Variants in FHIT observed in about 807,000 individuals in gnomAD.
FHIT encodes the protein bis(5'-adenosyl)-triphosphatase.
In FHIT, 19 loss-of-function variants were observed where a neutral mutation model predicts 17.9. The ratio of observed to expected loss-of-function variants is 1.06; its 90% CI spans 0.74 to 1.56. The LOEUF (loss-of-function observed/expected upper bound fraction) is 1.56. Ranked by LOEUF, FHIT falls within the 40% of genes most tolerant of loss-of-function variation. The pLI is 0.00. For missense variants in FHIT, 248 were observed against 189.2 expected, an observed-to-expected ratio of 1.31 and a Z score of -1.82; for synonymous variants, 81 against 69.7, an observed-to-expected ratio of 1.16 and a Z score of -0.81.
intron 5 of FHIT, among the ~76,000 whole-genome samples, chr3:60,532,444 A>C (rs1292185264): frequency 6.6e-6 from 1 of 152,212 alleles, no homozygotes; most frequent in East Asian, 1.9e-4. Flanking sequence ...TATTAGCCAT[A>C]ATGGTTCAAA....
chr3:60,838,771 A>C (rs1185430489), intron 3 of FHIT, among the ~76,000 whole-genome samples: 1 of 151,644 alleles, frequency 6.6e-6, no homozygotes, highest in Non-Finnish European at 1.5e-5. Flanking sequence ...TGGCAGAAAA[A>C]ATAAACATGT....
chr3:59,956,956 G>A (rs1707434020), intron 7 of FHIT, among the ~76,000 whole-genome samples: 1 of 151,992 alleles, frequency 6.6e-6, no homozygotes, highest in Non-Finnish European at 1.5e-5. Context: ...AATCTAAATT[G>A]GTCATCAAAT....
At chr3:60,637,144 T>A (rs1443699318) in intron 4 of FHIT, among the ~76,000 whole-genome samples, 1 of 151,766 alleles carries the variant, frequency 6.6e-6, no homozygotes, top group African/African-American at 2.4e-5. Context: ...GAAAGGTGCT[T>A]AGAGAAAAAA....
chr3:60,840,817 C>A (rs1488504500), intron 3 of FHIT, among the ~76,000 whole-genome samples: 2 of 152,062 alleles, frequency 1.3e-5, no homozygotes, highest in African/African-American at 4.8e-5. Flanking sequence ...GAAGTTTTGC[C>A]CATATCATGA....
chr3:60,272,967 C>A (rs1029120556), intron 5 of FHIT, among the ~76,000 whole-genome samples: 1 of 152,182 alleles, frequency 6.6e-6, no homozygotes. Flanking sequence ...ATTCTGTCTC[C>A]ATTCAAATCA....
At chr3:60,820,544 A>C (rs561321421) in intron 4 of FHIT, among the ~76,000 whole-genome samples, 26 of 152,256 alleles carry the variant, frequency 1.7e-4, no homozygotes, top group African/African-American at 6.3e-4. Context: ...ATCCCACAAC[A>C]AGATGCAGCA....
intron 5 of FHIT, among the ~76,000 whole-genome samples, chr3:60,064,466 T>C (rs1200711840): frequency 1.3e-5 from 2 of 152,182 alleles, no homozygotes; most frequent in Non-Finnish European, 2.9e-5. Flanking sequence ...TCTGTTTCCA[T>C]GCTACAGACA....
chr3:60,931,394 C>A (rs900013648), intron 3 of FHIT, among the ~76,000 whole-genome samples: 2 of 152,100 alleles, frequency 1.3e-5, no homozygotes, highest in East Asian at 1.9e-4. Flanking sequence ...AAAACATATT[C>A]ACATATTTAC....
intron 5 of FHIT, among the ~76,000 whole-genome samples, chr3:60,313,857 A>C (rs1268608125): frequency 6.6e-6 from 1 of 152,238 alleles, no homozygotes; most frequent in Non-Finnish European, 1.5e-5. Flanking sequence ...AAAGTCTTCA[A>C]ATGAGATGTA....
At chr3:59,968,199 C>T (rs186439870) in intron 7 of FHIT, among the ~76,000 whole-genome samples, 47 of 152,186 alleles carry the variant, frequency 3.1e-4, no homozygotes, top group African/African-American at 8.9e-4. Flanking sequence ...CTGTACCCAC[C>T]ATTGACCTTA....
intron 5 of FHIT, among the ~76,000 whole-genome samples, chr3:60,018,941 T>C (rs1274123013): frequency 3.9e-5 from 6 of 152,198 alleles, no homozygotes; most frequent in South Asian, 4.2e-4. Flanking sequence ...GGTCACGCCA[T>C]TGCACTCCAG....
At chr3:60,122,890 A>T (rs75581454) in intron 5 of FHIT, among the ~76,000 whole-genome samples, 4,121 of 152,318 alleles carry the variant, frequency 0.027, 198 homozygotes, top group African/African-American at 0.094. Flanking sequence ...GTCATAAGGG[A>T]TCTGAAATGT....
At chr3:60,784,306 C>A (rs933353296) in intron 4 of FHIT, among the ~76,000 whole-genome samples, 3 of 151,840 alleles carry the variant, frequency 2.0e-5, no homozygotes, top group Non-Finnish European at 4.4e-5. Context: ...TCTCAGGTGA[C>A]CTGCTCTACC....
chr3:59,964,943 G>A (rs1364043526), intron 7 of FHIT, among the ~76,000 whole-genome samples: 2 of 152,040 alleles, frequency 1.3e-5, no homozygotes, highest in Admixed American at 6.5e-5. Context: ...TTCAATACCA[G>A]TTTCATAAAT....
chr3:60,609,622 G>T (rs1045640723), intron 4 of FHIT, among the ~76,000 whole-genome samples: 15 of 152,134 alleles, frequency 9.9e-5, no homozygotes, highest in African/African-American at 3.4e-4. Flanking sequence ...ACCGCGCCCA[G>T]CCCTTAGCCT....
intron 8 of FHIT, among the ~76,000 whole-genome samples, chr3:59,860,667 T>G (rs555778081): frequency 3.0e-4 from 46 of 152,296 alleles, no homozygotes; most frequent in African/African-American, 1.0e-3. Flanking sequence ...TGTGTATCAG[T>G]ATGTTTGTGT....
intron 2 of FHIT, among the ~76,000 whole-genome samples, chr3:61,168,083 CA>C (rs1397981180): frequency 6.6e-6 from 1 of 152,184 alleles, no homozygotes; most frequent in Non-Finnish European, 1.5e-5. Flanking sequence ...ATGATTTTTA[CA>C]TTTTAAAAGC....
intron 5 of FHIT, among the ~76,000 whole-genome samples, chr3:60,261,364 A>T (rs934200346): frequency 6.6e-6 from 1 of 151,984 alleles, no homozygotes; most frequent in African/African-American, 2.4e-5. Context: ...GATGGTACCA[A>T]TCGCAAGGAA....
intron 5 of FHIT, among the ~76,000 whole-genome samples, chr3:60,228,931 C>T (rs1704351882): frequency 6.6e-6 from 1 of 152,090 alleles, no homozygotes; most frequent in South Asian, 2.1e-4. Context: ...GAAGAAACAT[C>T]AGTAAAGGGC....
Sources: allele counts gnomAD v4.1 joint callset (sites outside exome capture counted in the v4.1 genomes callset), GRCh38; gene constraint gnomAD v4.1.1; transcripts MANE v1.5; gene names NCBI Gene and HGNC (gene_info 2026-07-23, HGNC 2026-07-21).